The following IL1RAPL1 variants were observed in gnomAD, a reference collection of about 807,000 sequenced individuals.
IL1RAPL1 encodes interleukin-1 receptor accessory protein-like 1.
A neutral mutation model predicts 48.4 loss-of-function variants in IL1RAPL1; 3 were observed. The ratio of observed to expected loss-of-function variants is 0.06; its 90% confidence interval spans 0.03 to 0.16. The LOEUF (loss-of-function observed/expected upper bound fraction) is 0.16. Ranked by LOEUF, IL1RAPL1 falls within the 10% of genes least tolerant of loss-of-function variation. The pLI is 1.00. For synonymous variants in IL1RAPL1, 185 were observed against 187.7 expected, an observed-to-expected ratio of 0.99 and a Z score of 0.12; for missense variants, 349 against 530.6, an observed-to-expected ratio of 0.66 and a Z score of 3.36.
chrX:29,529,755 A>G (rs1935594019), intron 5 of IL1RAPL1, among the ~76,000 whole-genome samples: 1 of 111,301 alleles, frequency 9.0e-6, no homozygotes, highest in Non-Finnish European at 1.9e-5. Context: ...GTAAAGGAAT[A>G]TAATATGTAC....
At chrX:28,833,871 G>A (rs1921136081) in intron 2 of IL1RAPL1, among the ~76,000 whole-genome samples, 1 of 111,853 alleles carries the variant, frequency 8.9e-6, no homozygotes, top group Admixed American at 9.5e-5. Context: ...AATGTAGTGG[G>A]CTTGAGAAAC....
At chrX:28,823,090 A>T (rs1255092417) in intron 2 of IL1RAPL1, among the ~76,000 whole-genome samples, 1 of 111,584 alleles carries the variant, frequency 9.0e-6, no homozygotes, top group Admixed American at 9.5e-5. Context: ...AACCCATCTC[A>T]TAATACCTCT....
chrX:29,269,407 T>A (rs914348947), intron 2 of IL1RAPL1, among the ~76,000 whole-genome samples: 1 of 111,277 alleles, frequency 9.0e-6, no homozygotes, highest in African/African-American at 3.3e-5. Flanking sequence ...ACCTCAAATT[T>A]ATCAATCCTT....
At chrX:28,771,892 C>G (rs147212861) in intron 1 of IL1RAPL1, among the ~76,000 whole-genome samples, 5,596 of 90,478 alleles carry the variant, frequency 0.062, 210 homozygotes, top group Non-Finnish European at 0.088. Context: ...GATTGCGCCA[C>G]TGCAGTCCGC....
chrX:29,008,470 G>C (rs1310437140), intron 2 of IL1RAPL1, among the ~76,000 whole-genome samples: 1 of 111,892 alleles, frequency 8.9e-6, no homozygotes, highest in Admixed American at 9.4e-5. Context: ...GCCACCGCGC[G>C]TGGCCCGGGC....
chrX:29,686,382 A>C (rs1349534960), intron 6 of IL1RAPL1, among the ~76,000 whole-genome samples: 1 of 110,645 alleles, frequency 9.0e-6, no homozygotes, highest in East Asian at 2.8e-4. Flanking sequence ...CCACTGACTA[A>C]TTGAGAATCT....
At chrX:29,277,149 C>T (rs994144929) in intron 2 of IL1RAPL1, among the ~76,000 whole-genome samples, 6 of 111,802 alleles carry the variant, frequency 5.4e-5, no homozygotes, top group Non-Finnish European at 7.5e-5. Context: ...GTTTCTTATG[C>T]GAAGGCTAAT....
At chrX:29,690,985 A>G (rs924690071) in intron 6 of IL1RAPL1, among the ~76,000 whole-genome samples, 1 of 108,656 alleles carries the variant, frequency 9.2e-6, no homozygotes, top group African/African-American at 3.3e-5. Context: ...TTTAAATAAC[A>G]GAATATGGAA....
At chrX:28,853,452 GT>G (rs35585638) in intron 2 of IL1RAPL1, among the ~76,000 whole-genome samples, 56,613 of 108,102 alleles carry the variant, frequency 0.52, 12,394 homozygotes, top group African/African-American at 0.83. Context: ...TTTTTATCCT[GT>G]TTCCCCATTG....
intron 2 of IL1RAPL1, among the ~76,000 whole-genome samples, chrX:29,151,044 A>G (rs1257769230): frequency 2.7e-5 from 3 of 111,714 alleles, no homozygotes; most frequent in Non-Finnish European, 5.6e-5. Context: ...TCCTGGCTCC[A>G]AAGCCTAGGT....
At chrX:29,262,982 T>C (rs1362735570) in intron 2 of IL1RAPL1, among the ~76,000 whole-genome samples, 1 of 111,889 alleles carries the variant, frequency 8.9e-6, no homozygotes, top group Non-Finnish European at 1.9e-5. Flanking sequence ...GCTATGTATA[T>C]AATCCTTTGC....
chrX:28,761,100 A>G (rs1311130035), intron 1 of IL1RAPL1, among the ~76,000 whole-genome samples: 3 of 108,402 alleles, frequency 2.8e-5, no homozygotes, highest in Non-Finnish European at 5.7e-5. Context: ...AAAAAAAAAA[A>G]GTCAAAAAAG....
intron 2 of IL1RAPL1, among the ~76,000 whole-genome samples, chrX:28,881,640 T>A (rs1922504224): frequency 9.0e-6 from 1 of 110,767 alleles, no homozygotes; most frequent in Non-Finnish European, 1.9e-5. Context: ...TTAAGCAAAA[T>A]CAGGAAAATG....
intron 3 of IL1RAPL1, among the ~76,000 whole-genome samples, chrX:29,375,970 A>G (rs1333890880): frequency 1.8e-5 from 2 of 111,618 alleles, no homozygotes; most frequent in African/African-American, 6.5e-5. Flanking sequence ...TAATTAAGCT[A>G]GTGGTCTATC....
At chrX:28,919,831 A>G (rs2147336776) in intron 2 of IL1RAPL1, among the ~76,000 whole-genome samples, 1 of 112,243 alleles carries the variant, frequency 8.9e-6, no homozygotes, top group Admixed American at 9.5e-5. Context: ...ATGTGACCAT[A>G]TAATATACTA....
chrX:29,207,183 A>G (rs1306602528), intron 2 of IL1RAPL1, among the ~76,000 whole-genome samples: 1 of 112,183 alleles, frequency 8.9e-6, no homozygotes, highest in East Asian at 2.8e-4. Flanking sequence ...AAATCCAAGA[A>G]ACAAGAGAGG....
chrX:28,719,144 T>C (rs1489665258), intron 1 of IL1RAPL1, among the ~76,000 whole-genome samples: 5 of 111,433 alleles, frequency 4.5e-5, no homozygotes, highest in East Asian at 2.8e-4. Context: ...ATATAATGGC[T>C]TTGAATCAGA....
At chrX:28,603,496 T>C (rs1460825188) in intron 1 of IL1RAPL1, among the ~76,000 whole-genome samples, 1 of 112,051 alleles carries the variant, frequency 8.9e-6, no homozygotes, top group Non-Finnish European at 1.9e-5. Context: ...ACTAGCTATG[T>C]ATTTTTCTCA....
intron 2 of IL1RAPL1, among the ~76,000 whole-genome samples, chrX:28,949,268 GTTTTTTGTTTTTT>G (rs1183401399): frequency 9.3e-6 from 1 of 107,184 alleles, no homozygotes; most frequent in African/African-American, 3.4e-5. Flanking sequence ...GAGAAAAGGT[GTTTTTTGTTTTTT>G]TTTTTTGTTT....
Sources: allele counts gnomAD v4.1 joint callset (sites outside exome capture counted in the v4.1 genomes callset), GRCh38; gene constraint gnomAD v4.1.1; transcripts MANE v1.5; gene names NCBI Gene and HGNC (gene_info 2026-07-23, HGNC 2026-07-21).